USP45: variants seen among roughly 807,000 people sequenced by gnomAD.
USP45 encodes the protein ubiquitin specific peptidase 45, also known as ubiquitin carboxyl-terminal hydrolase 45.
USP45 carries 89 observed loss-of-function variants against 95.8 expected under a neutral mutation model. The observed-to-expected ratio is 0.93, with a 90% CI of 0.78 to 1.11. The LOEUF (loss-of-function observed/expected upper bound fraction) is 1.11. Among genes scored for constraint, USP45 ranks in the 50% least tolerant of loss-of-function variants. USP45 has a pLI of 0.00. For synonymous variants in USP45, 281 were observed against 316.2 expected, an observed-to-expected ratio of 0.89 and a Z score of 1.18; for missense variants, 898 against 942.5, an observed-to-expected ratio of 0.95 and a Z score of 0.62.
chr6:99,484,553 C>T (rs1352999783), intron 7 of USP45, among the ~76,000 whole-genome samples: 1 of 152,130 alleles, frequency 6.6e-6, no homozygotes, highest in Admixed American at 6.5e-5. Context: ...AACCTCCACA[C>T]TTTGGGAGGC....
intron 5 of USP45, among the ~76,000 whole-genome samples, chr6:99,489,194 A>G (rs908767248): frequency 1.3e-5 from 2 of 152,226 alleles, no homozygotes; most frequent in African/African-American, 4.8e-5. Flanking sequence ...GGTAGCAAAG[A>G]TGCAAAATGA....
rs573673475 is a variant in USP45, at chr6:99,494,593, T to C, written c.479-5773A>G. Among the ~76,000 whole-genome samples the C allele has an allele frequency of 5.8e-4, 88 of 152,126 alleles. No homozygotes were observed. In the South Asian group the frequency reaches 0.017, roughly 29 times the overall value. On this transcript the variant is annotated intron_variant, in intron 5 of 17. Transcript: ENST00000500704. ...AACACTTAGAGATCCTATAACTATC[T>C]TTTTAAAAACTGAGTTCAAGGCTGG...
In USP45 at chr6:99,484,478, G is replaced by A. The variant is rs550584565; in HGVS notation, c.715-1595C>T. 5.3e-5 allele frequency among the ~76,000 whole-genome samples: 8 copies of A among 151,956 alleles called. No homozygotes were observed. The South Asian group carries it at 1.5e-3, about 28-fold the overall frequency. On this transcript the variant is annotated intron_variant, in intron 7 of 17. Coordinates refer to ENST00000500704, the MANE Select transcript of USP45 (RefSeq NM_001346022.3). ...ATTACAGGAATGAGCCATGGTGCTCGGCCTTCCATAGCTTTTGAATGTCAA... is the reference window on the plus strand; with the variant it reads ...ATTACAGGAATGAGCCATGGTGCTCAGCCTTCCATAGCTTTTGAATGTCAA...
At chr6:99,451,577 A>G (rs1283588672) in intron 13 of USP45, among the ~76,000 whole-genome samples, 1 of 152,230 alleles carries the variant, frequency 6.6e-6, no homozygotes, top group Non-Finnish European at 1.5e-5. Context: ...GATAGGCAGA[A>G]TCAATATTGT....
At chr6:99,513,294 C>G (rs1030332088) in intron 1 of USP45, among the ~76,000 whole-genome samples, 2 of 152,162 alleles carry the variant, frequency 1.3e-5, no homozygotes, top group African/African-American at 2.4e-5. Context: ...GGTCAACTTA[C>G]ATACTATCCA....
chr6:99,473,263 G>A (rs13219563), intron 9 of USP45, among the ~76,000 whole-genome samples: 13,675 of 152,102 alleles, frequency 0.09, 696 homozygotes, highest in African/African-American at 0.15. Context: ...CAGGGAGCCC[G>A]GAGTGGCAGC....
At chr6:99,435,998 AAGAACTTTT>A in intron 17 of USP45, 152 bp from the exon 18 acceptor site, 4 of 765,808 alleles carry the variant, frequency 5.2e-6, no homozygotes, top group Non-Finnish European at 4.0e-6. Flanking sequence ...ATTTTCCAAA[AAGAACTTTT>A]TTTTTTTTAA....
chr6:99,515,816 C>T (rs1801054194), upstream of USP45, among the ~76,000 whole-genome samples: 1 of 145,522 alleles, frequency 6.9e-6, no homozygotes, highest in Admixed American at 6.8e-5. Flanking sequence ...GCTCTGTCGC[C>T]CAGGCTGCAG....
chr6:99,446,840 C>T (rs886947140), intron 13 of USP45, among the ~76,000 whole-genome samples: 13 of 152,170 alleles, frequency 8.5e-5, no homozygotes, highest in African/African-American at 3.1e-4. Flanking sequence ...AACTCTCGGA[C>T]TCAAGTGATC....
intron 5 of USP45, among the ~76,000 whole-genome samples, chr6:99,499,636 C>G (rs902856284): frequency 6.6e-6 from 1 of 152,294 alleles, no homozygotes; most frequent in Admixed American, 6.5e-5. Context: ...GAAAGCTCCA[C>G]TCCCTCTCAA....
intron 13 of USP45, among the ~76,000 whole-genome samples, chr6:99,451,740 G>C (rs529181588): frequency 1.3e-5 from 2 of 152,166 alleles, no homozygotes; most frequent in African/African-American, 4.8e-5. Context: ...TAAGCCAAAA[G>C]AACAAAGCTG....
rs1370395623 is a variant in USP45, at chr6:99,511,886, T to TAC, written c.-10-1658_-10-1657dup. Among the ~76,000 whole-genome samples the TAC allele has an allele frequency of 1.2e-3, 170 of 142,500 alleles. 1 individual carries two copies. The highest frequency in any genetic ancestry group is 3.8e-3 in the Admixed American group (54 of 14,270). The allele number at this position is 142,500 out of a possible 152,430, so 93.5% of individuals were successfully genotyped here. A position where few individuals can be genotyped will look rare whatever the true frequency, so the allele number is the denominator to read the frequency against. On this transcript the variant is annotated intron_variant, in intron 1 of 17. Transcript: ENST00000500704. ...ATATATATATATATATATATATATA[T>TAC]ACACATAGTTGAACTATTTGAAAGT...
intron 13 of USP45, among the ~76,000 whole-genome samples, chr6:99,455,099 A>AAC (rs1475305443): frequency 2.7e-5 from 4 of 150,296 alleles, no homozygotes; most frequent in African/African-American, 7.3e-5. Context: ...CAAAAAAAAA[A>AAC]AAACAAAAAA....
intron 15 of USP45, among the ~76,000 whole-genome samples, chr6:99,443,238 AC>A (rs1781853633): frequency 6.6e-6 from 1 of 151,890 alleles, no homozygotes; most frequent in Non-Finnish European, 1.5e-5. Flanking sequence ...CGAACTCCTG[AC>A]CTCAGGTGAT....
intron 15 of USP45, 97 bp from the exon 16 acceptor site, chr6:99,439,952 T>A (rs1781219883): frequency 1.2e-6 from 1 of 843,560 alleles, no homozygotes; most frequent in Non-Finnish European, 1.8e-6. Context: ...GACTTAGTTT[T>A]TTCATAGATA....
chr6:99,503,487 G>A (rs1412999780), intron 5 of USP45, among the ~76,000 whole-genome samples: 1 of 151,790 alleles, frequency 6.6e-6, no homozygotes, highest in Non-Finnish European at 1.5e-5. Context: ...ATGTGCTACC[G>A]TACCCGGCTA....
intron 13 of USP45, chr6:99,461,975 C>A (rs1045634273): frequency 1.0e-6 from 1 of 985,176 alleles, no homozygotes; most frequent in Non-Finnish European, 1.2e-6. Context: ...GAAATAACTT[C>A]TAAACGTAAA....
chr6:99,458,463 T>C (rs374033491), intron 13 of USP45, among the ~76,000 whole-genome samples: 1 of 152,308 alleles, frequency 6.6e-6, no homozygotes, highest in South Asian at 2.1e-4. Flanking sequence ...GATCCTGCAA[T>C]CCATCCCAAT....
intron 13 of USP45, among the ~76,000 whole-genome samples, chr6:99,448,098 G>A (rs1782951757): frequency 1.3e-5 from 2 of 152,186 alleles, no homozygotes; most frequent in African/African-American, 4.8e-5. Flanking sequence ...GGAAAAAACA[G>A]AGCAGAAAAG....
Sources: allele counts gnomAD v4.1 joint callset (sites outside exome capture counted in the v4.1 genomes callset), GRCh38; gene constraint gnomAD v4.1.1; transcripts MANE v1.5; gene names NCBI Gene and HGNC (gene_info 2026-07-23, HGNC 2026-07-21).